SCN9A: variants seen among roughly 807,000 people sequenced by gnomAD.
The protein encoded by SCN9A is sodium voltage-gated channel alpha subunit 9.
SCN9A carries 131 observed loss-of-function variants against 187.0 expected under a neutral mutation model. The ratio of observed to expected loss-of-function variants is 0.70; its 90% CI spans 0.61 to 0.81. SCN9A has a LOEUF of 0.81. Among genes scored for constraint, SCN9A ranks in the 30% least tolerant of loss-of-function variants. The pLI is 0.00. For synonymous variants in SCN9A, 809 were observed against 808.6 expected (o/e 1.00, Z -0.01); for missense variants, 2,252 against 2,396.6 (o/e 0.94, Z 1.26).
rs146210131 is a variant in SCN9A, at chr2:166,314,108, T to C, written c.-50-2302A>G. Among the ~76,000 whole-genome samples, 5 of 152,252 alleles carry C rather than the reference T, an allele frequency of 3.3e-5. No individual in the cohort carries two copies. The East Asian group carries it at 9.6e-4, about 29-fold the overall frequency. ...ACTGATCATAGATCACCATAACACA[T>C]ACAGTAATAATTAAATAATGGCAAT... On this transcript the variant is annotated intron_variant, in intron 1 of 26. Coordinates refer to ENST00000642356, the MANE Select transcript of SCN9A (RefSeq NM_001365536.1).
At chr2:166,331,773 A>C (rs1486928037) in intron 1 of SCN9A, among the ~76,000 whole-genome samples, 2 of 152,136 alleles carry the variant, frequency 1.3e-5, no homozygotes, top group Non-Finnish European at 2.9e-5. Context: ...ATGTTAATAT[A>C]ATTTCTGTTT....
chr2:166,201,341 T>C (rs1175545412), intron 26 of SCN9A, among the ~76,000 whole-genome samples: 2 of 148,240 alleles, frequency 1.3e-5, no homozygotes, highest in South Asian at 2.1e-4. Flanking sequence ...GTATACTATA[T>C]AGTATGTATA....
rs541996478 is a variant in SCN9A at position 166,283,793 on chromosome 2, C to A, written c.1974+660G>T. Among the ~76,000 whole-genome samples the A allele has an allele frequency of 3.9e-5, 6 of 152,192 alleles. No individual in the cohort carries two copies. The South Asian group carries it at 1.2e-3, about 32-fold the overall frequency. ...TTTTTTCAAGATAAGAAGCCTACTGCACATTGGAGAGATAGCAGAGTGAGT... is the reference window on the plus strand; with the variant it reads ...TTTTTTCAAGATAAGAAGCCTACTGAACATTGGAGAGATAGCAGAGTGAGT... On this transcript the variant is annotated intron_variant, in intron 12 of 26. Transcript: ENST00000642356.
At chr2:166,281,201 G>A (rs995073779) in intron 13 of SCN9A, among the ~76,000 whole-genome samples, 1 of 152,056 alleles carries the variant, frequency 6.6e-6, no homozygotes, top group African/African-American at 2.4e-5. Flanking sequence ...TGGGACCTGG[G>A]GCATATTGTC....
chr2:166,255,796 A>G (rs1001961918), intron 17 of SCN9A, among the ~76,000 whole-genome samples: 5 of 151,514 alleles, frequency 3.3e-5, no homozygotes, highest in African/African-American at 1.2e-4. Flanking sequence ...AGCAAATCAA[A>G]AGGAGGAGAT....
intron 18 of SCN9A, chr2:166,248,136 A>G (rs1353529146): frequency 6.6e-6 from 1 of 152,176 alleles, no homozygotes. Context: ...CAGTAAAAAC[A>G]TGCTACTTGG....
chr2:166,265,337 T>C (rs1696686849), intron 17 of SCN9A, among the ~76,000 whole-genome samples: 1 of 152,066 alleles, frequency 6.6e-6, no homozygotes, highest in Non-Finnish European at 1.5e-5. Context: ...TCACTTAACA[T>C]AATGTCCTCC....
chr2:166,305,902 T>C lies in SCN9A; in HGVS notation c.486A>G (p.Ile162Met). The C allele has an allele frequency of 6.2e-7, 1 of 1,613,074 alleles. No individual in the cohort carries two copies. Among genetic ancestry groups the C allele is most frequent in the Non-Finnish European group, 8.5e-7 (1 of 1,179,420 alleles). ...TTTTTACAAGTGATTCAAAAGTATA[T>C]ATTCCAGTAAAAGTGTACCTAAACA... ...TKNVEYTFTGIYTFESLVKIL... is the reference protein window; with the variant it reads ...TKNVEYTFTGMYTFESLVKIL... Residue 162 changes from isoleucine to methionine, a missense_variant, in exon 5 of 27, where the codon ATA becomes ATG. Ile to Met is a conservative substitution (Grantham distance 10). Transcript: ENST00000642356.
At chr2:166,203,498 G>A (rs1447294030) in intron 26 of SCN9A, among the ~76,000 whole-genome samples, 10 of 151,942 alleles carry the variant, frequency 6.6e-5, no homozygotes, top group African/African-American at 2.2e-4. Flanking sequence ...AATAAAACTG[G>A]CATTTCTAGA....
Position 166,197,491 on chromosome 2 carries a change from G to A in SCN9A, c.*1181C>T, listed in dbSNP as rs1310076336. The A allele has an allele frequency of 6.6e-6, 1 of 152,152 alleles. No individual in the cohort carries two copies. The highest frequency in any genetic ancestry group is 2.4e-5 in the African/African-American group (1 of 41,454). 9.4% of individuals were successfully genotyped at this position (152,152 alleles called of 1,614,324 possible). A position where few individuals can be genotyped will look rare whatever the true frequency, so the allele number is the denominator to read the frequency against. On this transcript the variant is annotated 3_prime_UTR_variant, in exon 27 of 27. Coordinates refer to ENST00000642356, the MANE Select transcript of SCN9A (RefSeq NM_001365536.1). ...TTAGGAAAGTAAGTTGGTGGCAAGA[G>A]AGCAAGTTGGCAAGAATCCCTATTT...
chr2:166,202,200 AT>A (rs11417793), intron 26 of SCN9A, among the ~76,000 whole-genome samples: 3,509 of 141,466 alleles, frequency 0.025, 136 homozygotes, highest in African/African-American at 0.084. Context: ...TTTCTTCTTC[AT>A]TTTTTTTTTT....
At chr2:166,368,230 A>G (rs555659985) in intron 1 of SCN9A, among the ~76,000 whole-genome samples, 55 of 152,356 alleles carry the variant, frequency 3.6e-4, no homozygotes, top group African/African-American at 1.3e-3. Flanking sequence ...ATCCCTTAAC[A>G]AACTGCTCAG....
intron 1 of SCN9A, among the ~76,000 whole-genome samples, chr2:166,344,092 CTT>C (rs1699848055): frequency 6.6e-6 from 1 of 152,122 alleles, no homozygotes; most frequent in Non-Finnish European, 1.5e-5. Flanking sequence ...GGAATCCAAA[CTT>C]TGCTTTAGTT....
chr2:166,375,140 T>A lies in SCN9A; in HGVS notation c.-51+557A>T, dbSNP rs564445595. Among the ~76,000 whole-genome samples the A allele has an allele frequency of 5.9e-5, 9 of 152,170 alleles. No individual in the cohort carries two copies. In the South Asian group the frequency reaches 1.5e-3, roughly 25 times the overall value. On this transcript the variant is annotated intron_variant, in intron 1 of 26. Transcript: ENST00000642356. The stretch of plus-strand genomic sequence containing the variant: ...ACTATAAAGTGCTTATTCGAAAAAA[T>A]AAATAAATAATCTGCGCTGAGAAAT...
At chr2:166,306,438 T>A in intron 4 of SCN9A, 72 bp downstream of exon 4, 1 of 883,756 alleles carries the variant, frequency 1.1e-6, no homozygotes, top group Non-Finnish European at 1.9e-6. Flanking sequence ...ATGCAGTAAC[T>A]TCCTGGCAGG....
intron 24 of SCN9A, among the ~76,000 whole-genome samples, chr2:166,217,713 C>A (rs1055487458): frequency 1.2e-4 from 19 of 152,008 alleles, no homozygotes; most frequent in African/African-American, 4.3e-4. Flanking sequence ...TGAATGATAA[C>A]AAGTGTTGAT....
chr2:166,305,714 G>A, intron 5 of SCN9A, 78 bp downstream of exon 5: 1 of 1,576,172 alleles, frequency 6.3e-7, no homozygotes, highest in Non-Finnish European at 8.7e-7. Context: ...TCAGACCCCA[G>A]AGGTTTGCTG....
intron 1 of SCN9A, among the ~76,000 whole-genome samples, chr2:166,360,577 G>A (rs1700259677): frequency 6.6e-6 from 1 of 152,152 alleles, no homozygotes; most frequent in South Asian, 2.1e-4. Flanking sequence ...ACATGATTTA[G>A]GAGAAAGTGC....
chr2:166,253,261 G>T (rs1361783192), intron 17 of SCN9A, among the ~76,000 whole-genome samples: 1 of 151,746 alleles, frequency 6.6e-6, no homozygotes. Flanking sequence ...CTTATAACTG[G>T]AGTAAATAAT....
Sources: allele counts gnomAD v4.1 joint callset (sites outside exome capture counted in the v4.1 genomes callset), GRCh38; gene constraint gnomAD v4.1.1; transcripts MANE v1.5; gene names NCBI Gene and HGNC (gene_info 2026-07-23, HGNC 2026-07-21).